Variants in LRRC8D observed in about 807,000 individuals in gnomAD.
LRRC8D encodes the protein leucine rich repeat containing 8 VRAC subunit D.
Under a neutral mutation model 55.8 loss-of-function variants are expected in LRRC8D, and 20 were observed. The ratio of observed to expected loss-of-function variants is 0.36; its 90% confidence interval spans 0.25 to 0.52. The LOEUF is 0.52. Among genes scored for constraint, LRRC8D ranks in the 20% least tolerant of loss-of-function variants. LRRC8D has a pLI of 0.93. For synonymous variants in LRRC8D, 352 were observed against 377.0 expected (o/e 0.93, Z 0.77); for missense variants, 651 against 1,030.8 (o/e 0.63, Z 5.05).
Position 89,935,794 on chromosome 1 carries a change from CAT to C in LRRC8D, c.*151_*152del. 1.5e-6 allele frequency: 1 copy of C among 651,108 alleles called. No individual in the cohort carries two copies. The highest frequency in any genetic ancestry group is 2.6e-6 in the Non-Finnish European group (1 of 384,520). The allele number at this position is 651,108 out of a possible 1,614,324, so 40.3% of individuals were successfully genotyped here. A position where few individuals can be genotyped will look rare whatever the true frequency, so the allele number is the denominator to read the frequency against. On this transcript the variant is annotated 3_prime_UTR_variant, in exon 3 of 3. Transcript: ENST00000337338. ...GGATGCATAGAAGGCTGATAGAAGA[CAT>C]AACTGAATGTTCAATGTTTGTAGGG...
chr1:89,902,749 C>T (rs1024337026), intron 2 of LRRC8D, among the ~76,000 whole-genome samples: 1 of 152,040 alleles, frequency 6.6e-6, no homozygotes, highest in African/African-American at 2.4e-5. Flanking sequence ...TGGTCTTGAT[C>T]TCCTGACCTC....
intron 2 of LRRC8D, among the ~76,000 whole-genome samples, chr1:89,885,214 G>A (rs1416744829): frequency 2.0e-5 from 3 of 152,128 alleles, no homozygotes; most frequent in African/African-American, 7.2e-5. Context: ...TACTCAGTAC[G>A]AATTTTTGGC....
At chr1:89,831,245 T>C (rs1227157395) in intron 1 of LRRC8D, among the ~76,000 whole-genome samples, 1 of 152,126 alleles carries the variant, frequency 6.6e-6, no homozygotes, top group Non-Finnish European at 1.5e-5. Flanking sequence ...TTGACATGAA[T>C]TGAAACTTGA....
chr1:89,930,642 C>T (rs1384255674), intron 2 of LRRC8D, among the ~76,000 whole-genome samples: 2 of 151,956 alleles, frequency 1.3e-5, no homozygotes, highest in Non-Finnish European at 2.9e-5. Context: ...TGCAGATGGC[C>T]CTTTAAAGCC....
chr1:89,878,514 T>C (rs771312779), intron 2 of LRRC8D, among the ~76,000 whole-genome samples: 1 of 152,256 alleles, frequency 6.6e-6, no homozygotes, highest in Non-Finnish European at 1.5e-5. Context: ...TTTGAATGTA[T>C]CTGAGATGCA....
At chr1:89,929,881 G>C (rs950658177) in intron 2 of LRRC8D, 38 of 152,310 alleles carry the variant, frequency 2.5e-4, no homozygotes, top group African/African-American at 8.7e-4. Flanking sequence ...GGCAGTAGGT[G>C]AGCGGCGGGA....
intron 2 of LRRC8D, among the ~76,000 whole-genome samples, chr1:89,869,052 G>GC (rs1488042274): frequency 1.3e-5 from 2 of 152,016 alleles, no homozygotes; most frequent in Admixed American, 6.5e-5. Flanking sequence ...GAGTACACAC[G>GC]CATGCCACCA....
chr1:89,878,395 A>T (rs923567633), intron 2 of LRRC8D, among the ~76,000 whole-genome samples: 4 of 152,236 alleles, frequency 2.6e-5, no homozygotes, highest in African/African-American at 9.6e-5. Context: ...AGTACATAAT[A>T]TGAGAAGAAA....
At chr1:89,877,097 T>C (rs1332611984) in intron 2 of LRRC8D, among the ~76,000 whole-genome samples, 3 of 152,226 alleles carry the variant, frequency 2.0e-5, no homozygotes, top group African/African-American at 2.4e-5. Context: ...AGCTTTCAGA[T>C]TGGGATTGGC....
chr1:89,897,080 G>A (rs17498595), intron 2 of LRRC8D, among the ~76,000 whole-genome samples: 34,212 of 152,066 alleles, frequency 0.22, 4,456 homozygotes, highest in Non-Finnish European at 0.3. Flanking sequence ...GGGACCAGAG[G>A]GGCAGAAGGA....
At chr1:89,838,448 A>G (rs991700567) in intron 1 of LRRC8D, among the ~76,000 whole-genome samples, 1 of 152,222 alleles carries the variant, frequency 6.6e-6, no homozygotes, top group East Asian at 1.9e-4. Context: ...AGCAGATACT[A>G]CCACAGAAGA....
At chr1:89,830,561 G>A (rs908565652) in intron 1 of LRRC8D, among the ~76,000 whole-genome samples, 1 of 152,210 alleles carries the variant, frequency 6.6e-6, no homozygotes, top group African/African-American at 2.4e-5. Flanking sequence ...TGAGCAAATA[G>A]TGTGCCTCAG....
At chr1:89,882,212 T>A (rs1027233746) in intron 2 of LRRC8D, among the ~76,000 whole-genome samples, 1 of 152,194 alleles carries the variant, frequency 6.6e-6, no homozygotes, top group Admixed American at 6.5e-5. Flanking sequence ...ATTTAGCATA[T>A]GTTTGTTAGG....
chr1:89,859,942 A>T (rs552682567), intron 2 of LRRC8D, among the ~76,000 whole-genome samples: 188 of 152,340 alleles, frequency 1.2e-3, no homozygotes, highest in African/African-American at 4.4e-3. Context: ...CCTGTTTTAG[A>T]ACTTAACTCT....
chr1:89,831,121 G>A (rs1660876262), intron 1 of LRRC8D, among the ~76,000 whole-genome samples: 1 of 152,020 alleles, frequency 6.6e-6, no homozygotes. Context: ...GGCCAGGCTG[G>A]TCTCGAACTC....
intron 1 of LRRC8D, among the ~76,000 whole-genome samples, chr1:89,829,539 C>CT (rs1418369633): frequency 1.3e-5 from 2 of 152,186 alleles, no homozygotes; most frequent in Non-Finnish European, 2.9e-5. Flanking sequence ...CTACTGTACC[C>CT]TTTCTCATTT....
intron 2 of LRRC8D, among the ~76,000 whole-genome samples, chr1:89,880,822 C>T (rs1340393014): frequency 1.3e-5 from 2 of 152,010 alleles, no homozygotes; most frequent in South Asian, 4.1e-4. Context: ...TTTTTTCAAG[C>T]ACAACATGTT....
chr1:89,909,759 A>G (rs1302171542), intron 2 of LRRC8D, among the ~76,000 whole-genome samples: 1 of 151,314 alleles, frequency 6.6e-6, no homozygotes, highest in Admixed American at 6.6e-5. Flanking sequence ...CCAGCTACTT[A>G]GGAGGCTGAG....
At chr1:89,893,728 C>A (rs1372050442) in intron 2 of LRRC8D, among the ~76,000 whole-genome samples, 1 of 152,118 alleles carries the variant, frequency 6.6e-6, no homozygotes, top group Admixed American at 6.5e-5. Flanking sequence ...TTGAGACATG[C>A]AGTTGGTTTT....
Sources: allele counts gnomAD v4.1 joint callset (sites outside exome capture counted in the v4.1 genomes callset), GRCh38; gene constraint gnomAD v4.1.1; transcripts MANE v1.5; gene names NCBI Gene and HGNC (gene_info 2026-07-23, HGNC 2026-07-21).